The following TMC5 variants were observed in gnomAD, a reference collection of about 807,000 sequenced individuals.
TMC5 encodes the protein transmembrane channel-like protein 5.
In TMC5, 86 loss-of-function variants were observed where a neutral mutation model predicts 110.5. The ratio of observed to expected loss-of-function variants is 0.78; its 90% CI spans 0.65 to 0.93. TMC5 has a LOEUF of 0.93. Among genes scored for constraint, TMC5 ranks in the 40% least tolerant of loss-of-function variants. TMC5 has a pLI of 0.00. For missense variants in TMC5, 1,144 were observed against 1,222.8 expected (o/e 0.94, Z 0.96); for synonymous variants, 455 against 439.5 (o/e 1.04, Z -0.44).
rs372606131 is a variant in TMC5 at position 19,470,222 on chromosome 16, T to C, written c.1782+397T>C. Among the ~76,000 whole-genome samples the C allele has an allele frequency of 6.3e-4, 91 of 144,912 alleles. No individual in the cohort carries two copies. In the East Asian group the frequency reaches 0.016, roughly 25 times the overall value. On this transcript the variant is annotated intron_variant, in intron 10 of 21. Coordinates refer to ENST00000542583, the MANE Select transcript of TMC5 (RefSeq NM_001261841.2). ...TTTTTTTTTTTTAACGGAATCTCAC[T>C]CCGCCGCCCAGGCTGGAGTGCAGTG...
chr16:19,461,302 G>T (rs1181365468), intron 6 of TMC5, among the ~76,000 whole-genome samples: 1 of 152,206 alleles, frequency 6.6e-6, no homozygotes, highest in African/African-American at 2.4e-5. Flanking sequence ...TCAGACTAGT[G>T]CAGTGGCTCA....
At chr16:19,472,768 G>A (rs930420805) in intron 11 of TMC5, among the ~76,000 whole-genome samples, 11 of 152,214 alleles carry the variant, frequency 7.2e-5, no homozygotes, top group South Asian at 2.1e-4. Flanking sequence ...TGCAGCTTAC[G>A]TGTGGGGAGG....
In TMC5 at chr16:19,463,940, C is replaced by A; in HGVS notation, c.1401C>A (p.Asn467Lys). The change falls in exon 8 of 22, where the codon AAC becomes AAA. Residue 467 changes from asparagine (N) to lysine (K), a missense_variant. Physicochemically the swap from Asn to Lys is moderately conservative, Grantham distance 94. Coordinates refer to ENST00000542583, the MANE Select transcript of TMC5 (RefSeq NM_001261841.2). The stretch of plus-strand genomic sequence containing the variant: ...TCAACATTTTCTCATTCATCCTGAA[C>A]TTCAGCTTCATCATAATCCCTCAGT... ...LKFNIFSFIL[N>K]FSFIIIPQFT... 1 of 1,614,100 alleles carries A rather than the reference C, an allele frequency of 6.2e-7. No homozygotes were observed. Among genetic ancestry groups the A allele is most frequent in the Non-Finnish European group, 8.5e-7 (1 of 1,180,020 alleles).
chr16:19,495,831 CCT>C, intron 20 of TMC5, among the ~76,000 whole-genome samples: 1 of 151,658 alleles, frequency 6.6e-6, no homozygotes, highest in Admixed American at 6.6e-5. Context: ...AGAACAAGAC[CCT>C]CTCTCTAAAA....
chr16:19,495,148 G>A (rs1166618739), intron 20 of TMC5, among the ~76,000 whole-genome samples: 1 of 69,232 alleles, frequency 1.4e-5, no homozygotes, highest in East Asian at 2.9e-4. Flanking sequence ...CCAAGTAGCT[G>A]GGACTACAGG....
At chr16:19,438,927 G>C (rs1471703033) in intron 2 of TMC5, among the ~76,000 whole-genome samples, 1 of 152,190 alleles carries the variant, frequency 6.6e-6, no homozygotes, top group Non-Finnish European at 1.5e-5. Context: ...GCTGCCACAT[G>C]CTGGGTCAAA....
intron 15 of TMC5, among the ~76,000 whole-genome samples, chr16:19,483,730 A>T (rs1968670057): frequency 6.6e-6 from 1 of 151,476 alleles, no homozygotes; most frequent in African/African-American, 2.4e-5. Flanking sequence ...GTGAGCCAAG[A>T]TCATGCCATG....
Position 19,498,004 on chromosome 16 carries a change from G to A in TMC5, c.*38G>A. On this transcript the variant is annotated 3_prime_UTR_variant, in exon 22 of 22. Transcript: ENST00000542583. ...TAACCAGACACCAATCAAATAAGGGGAGGAGACGAAAATGGAATGATTTCT... is the reference window on the plus strand; with the variant it reads ...TAACCAGACACCAATCAAATAAGGGAAGGAGACGAAAATGGAATGATTTCT... The A allele has an allele frequency of 1.3e-6, 2 of 1,597,462 alleles. No individual in the cohort carries two copies. Among genetic ancestry groups the A allele is most frequent in the Non-Finnish European group, 1.7e-6 (2 of 1,164,836 alleles).
Position 19,444,250 on chromosome 16 carries a change from G to T in TMC5, c.958G>T (p.Val320Leu). The T allele has an allele frequency of 6.2e-7, 1 of 1,613,386 alleles. No individual in the cohort carries two copies. The highest frequency in any genetic ancestry group is 1.8e-4 in the Middle Eastern group (1 of 5,632). Reference sequence around the variant, plus strand: ...GCCAGGTGCTCCTGGAAGTGGCTATGGTAAGCATTTGTTAAGCCAGGATCA... The same window carrying T: ...GCCAGGTGCTCCTGGAAGTGGCTATTGTAAGCATTTGTTAAGCCAGGATCA... ...SLPGAPGSGY[V>L]NPAYVGESGP... The change falls in exon 4 of 22, where the codon GTG becomes TTG. Residue 320 changes from valine (V) to leucine (L), a missense_variant and splice_region_variant. Physicochemically the swap from Val to Leu is conservative, Grantham distance 32. Transcript: ENST00000542583.
rs752152517 is a variant in TMC5, at chr16:19,422,230, CAA to C, written c.-308+4149_-308+4150del. On this transcript the variant is annotated intron_variant, in intron 1 of 21. Transcript: ENST00000542583. ...CGGGCAACAGAGCTAGACTCCATTTCAAAAAAAAAAAAGAGAGAGAGAGAGAA... is the reference window on the plus strand; with the variant it reads ...CGGGCAACAGAGCTAGACTCCATTTCAAAAAAAAAAGAGAGAGAGAGAGAA... Among the ~76,000 whole-genome samples the C allele has an allele frequency of 8.1e-5, 9 of 111,672 alleles. 1 individual carries two copies. The highest frequency in any genetic ancestry group is 2.9e-4 in the South Asian group (1 of 3,428). 73.3% of individuals were successfully genotyped at this position (111,672 alleles called of 152,430 possible).
chr16:19,449,852 C>T (rs1295853471), intron 5 of TMC5, among the ~76,000 whole-genome samples: 2 of 149,116 alleles, frequency 1.3e-5, no homozygotes, highest in East Asian at 3.9e-4. Context: ...GTAAGATGTG[C>T]CCTTCTTTCC....
intron 4 of TMC5, among the ~76,000 whole-genome samples, chr16:19,448,865 T>TC (rs1265756085): frequency 8.2e-6 from 1 of 122,432 alleles, no homozygotes; most frequent in Non-Finnish European, 1.6e-5. Flanking sequence ...ATTTTTTTCT[T>TC]TTTTTTTTTT....
In TMC5 at chr16:19,431,278, C is replaced by T. The variant is rs147225270; in HGVS notation, c.-80+638C>T. Among the ~76,000 whole-genome samples the T allele has an allele frequency of 8.3e-3, 1,263 of 152,210 alleles. 10 individuals carry two copies. Among genetic ancestry groups the T allele is most frequent in the African/African-American group, 0.028 (1,174 of 41,546 alleles). On this transcript the variant is annotated intron_variant, in intron 2 of 21. Transcript: ENST00000542583. ...CGTGGGGGCCGGGCGCGGTGGCTCA[C>T]ACCTGTAATCCCAGCACTTTGGGAG...
At chr16:19,438,498 G>A (rs1490178793) in intron 2 of TMC5, among the ~76,000 whole-genome samples, 1 of 135,068 alleles carries the variant, frequency 7.4e-6, no homozygotes, top group East Asian at 2.5e-4. Flanking sequence ...TATAATCCAA[G>A]CATTTTGGGA....
intron 2 of TMC5, among the ~76,000 whole-genome samples, chr16:19,432,875 T>A (rs1440368413): frequency 2.0e-5 from 3 of 152,204 alleles, no homozygotes; most frequent in Non-Finnish European, 2.9e-5. Flanking sequence ...CTAATCTATG[T>A]GTGTTTTTGT....
At chr16:19,467,560 C>A (rs1968221412) in intron 9 of TMC5, among the ~76,000 whole-genome samples, 1 of 152,106 alleles carries the variant, frequency 6.6e-6, no homozygotes, top group Non-Finnish European at 1.5e-5. Flanking sequence ...CAGCTCACTG[C>A]AACCTCTGTC....
chr16:19,434,471 G>T (rs1967295398), intron 2 of TMC5, among the ~76,000 whole-genome samples: 1 of 58,956 alleles, frequency 1.7e-5, no homozygotes, highest in Non-Finnish European at 2.9e-5. Context: ...TCTATAGATA[G>T]ATAGATAGAT....
At chr16:19,452,386 G>A (rs1047615144) in intron 5 of TMC5, among the ~76,000 whole-genome samples, 3 of 152,068 alleles carry the variant, frequency 2.0e-5, no homozygotes, top group African/African-American at 4.8e-5. Context: ...TTATTGGGAG[G>A]CTTCATTACA....
At chr16:19,430,098 C>T (rs917990915) in intron 1 of TMC5, among the ~76,000 whole-genome samples, 46 of 152,308 alleles carry the variant, frequency 3.0e-4, no homozygotes, top group African/African-American at 1.1e-3. Flanking sequence ...ACGATAGTGG[C>T]ACCTTCCAGA....
Sources: allele counts gnomAD v4.1 joint callset (sites outside exome capture counted in the v4.1 genomes callset), GRCh38; gene constraint gnomAD v4.1.1; transcripts MANE v1.5; gene names NCBI Gene and HGNC (gene_info 2026-07-23, HGNC 2026-07-21).